DNAJC16: variants seen among roughly 807,000 people sequenced by gnomAD.
DNAJC16 encodes dnaJ homolog subfamily C member 16.
Under a neutral mutation model 92.7 loss-of-function variants are expected in DNAJC16, and 76 were observed. That is an observed-to-expected ratio of 0.82 (90% CI 0.68 to 0.99). The LOEUF is 0.99. Among genes scored for constraint, DNAJC16 ranks in the 50% least tolerant of loss-of-function variants. The pLI, the probability that DNAJC16 is intolerant of heterozygous loss-of-function variation, is 0.00. For missense variants in DNAJC16, 869 were observed against 942.4 expected, an observed-to-expected ratio of 0.92 and a Z score of 1.02; for synonymous variants, 328 against 358.7, an observed-to-expected ratio of 0.91 and a Z score of 0.97.
rs573265948 is a variant in DNAJC16 at position 15,554,620 on chromosome 1, GTTGGTCTTTTGTACTTTTTGTATATA to G, written c.1024-4881_1024-4856del. Reference sequence around the variant, plus strand: ...TTTTTCCTTCAAAAGCATTATAGCTGTTGGTCTTTTGTACTTTTTGTATATATTGGTCTTTTGTACTTTTTGTATAC... The same window carrying G: ...TTTTTCCTTCAAAAGCATTATAGCTGTTGGTCTTTTGTACTTTTTGTATAC... On this transcript the variant is annotated intron_variant, in intron 7 of 14. Transcript: ENST00000375847. Among the ~76,000 whole-genome samples the G allele has an allele frequency of 2.6e-3, 397 of 152,248 alleles. 1 individual carries two copies. Among genetic ancestry groups the G allele is most frequent in the African/African-American group, 9.1e-3 (376 of 41,530 alleles).
chr1:15,555,847 C>T (rs371655126), intron 7 of DNAJC16, among the ~76,000 whole-genome samples: 15 of 151,754 alleles, frequency 9.9e-5, no homozygotes, highest in East Asian at 9.8e-4. Context: ...CAAAATTAGC[C>T]GGGCGTGGTG....
intron 7 of DNAJC16, among the ~76,000 whole-genome samples, chr1:15,552,181 T>C (rs1160939007): frequency 6.6e-6 from 1 of 151,792 alleles, no homozygotes. Flanking sequence ...CCGTTCTTTT[T>C]TTAATAAGTA....
chr1:15,544,312 A>G, intron 4 of DNAJC16, 87 bp from the exon 5 acceptor site: 1 of 1,366,656 alleles, frequency 7.3e-7, no homozygotes, highest in Non-Finnish European at 9.8e-7. Context: ...TCGGGATTTC[A>G]ATTTCACACC....
intron 4 of DNAJC16, among the ~76,000 whole-genome samples, chr1:15,542,696 C>T (rs1265955043): frequency 6.6e-6 from 1 of 152,212 alleles, no homozygotes; most frequent in Non-Finnish European, 1.5e-5. Context: ...CCTGCAGGAC[C>T]TGATGCTTCC....
At chr1:15,563,686 A>T (rs1638741868) in intron 9 of DNAJC16, among the ~76,000 whole-genome samples, 1 of 148,986 alleles carries the variant, frequency 6.7e-6, no homozygotes, top group African/African-American at 2.5e-5. Context: ...AAAAAAAAAA[A>T]AAAATACCAA....
chr1:15,547,591 C>T (rs1638341440), intron 6 of DNAJC16, among the ~76,000 whole-genome samples: 1 of 151,776 alleles, frequency 6.6e-6, no homozygotes, highest in Non-Finnish European at 1.5e-5. Context: ...TGCAGGCACA[C>T]ACCACCACGC....
chr1:15,538,113 A>T (rs1466185468), intron 4 of DNAJC16, among the ~76,000 whole-genome samples: 1 of 152,028 alleles, frequency 6.6e-6, no homozygotes, highest in Non-Finnish European at 1.5e-5. Flanking sequence ...AAAAAGAGAG[A>T]CTGCTGGGCA....
chr1:15,550,535 T>G (rs914463336), intron 7 of DNAJC16, among the ~76,000 whole-genome samples: 2 of 152,198 alleles, frequency 1.3e-5, no homozygotes, highest in Non-Finnish European at 1.5e-5. Flanking sequence ...ATTCTTCCGT[T>G]GGTGGACATT....
intron 7 of DNAJC16, among the ~76,000 whole-genome samples, chr1:15,558,005 T>C (rs1638605270): frequency 6.6e-6 from 1 of 150,902 alleles, no homozygotes; most frequent in African/African-American, 2.4e-5. Flanking sequence ...CTCAGCCTCC[T>C]GAGTAGCTGG....
At chr1:15,548,753 A>G (rs757898474) in intron 7 of DNAJC16, among the ~76,000 whole-genome samples, 3 of 152,178 alleles carry the variant, frequency 2.0e-5, no homozygotes, top group Non-Finnish European at 2.9e-5. Flanking sequence ...TGTACAGATG[A>G]ATATTTATCT....
Position 15,548,276 on chromosome 1 carries a change from G to A in DNAJC16, c.871G>A (p.Ala291Thr). 1 of 1,613,684 alleles carries A rather than the reference G, an allele frequency of 6.2e-7. No homozygotes were observed. Among genetic ancestry groups the A allele is most frequent in the South Asian group, 1.1e-5 (1 of 90,960 alleles). ...CTCTATTATGCCCTAACAGTTGACT[G>A]CCTTTGCATACAAAGATTATTTATC... ...PIVPLLYKLTAFAYKDYLSFG... is the reference protein window; with the variant it reads ...PIVPLLYKLTTFAYKDYLSFG... Residue 291 changes from alanine to threonine, a missense_variant, in exon 7 of 15, where the codon GCC (alanine) becomes ACC (threonine). Physicochemically the swap from Ala to Thr is moderately conservative, Grantham distance 58. Coordinates refer to ENST00000375847, the MANE Select transcript of DNAJC16 (RefSeq NM_015291.4).
At chr1:15,542,606 C>T (rs1279501537) in intron 4 of DNAJC16, among the ~76,000 whole-genome samples, 2 of 152,190 alleles carry the variant, frequency 1.3e-5, no homozygotes, top group Non-Finnish European at 2.9e-5. Flanking sequence ...GATTTATAGC[C>T]AGTTGGTTGG....
chr1:15,542,647 G>A (rs761175965), intron 4 of DNAJC16, among the ~76,000 whole-genome samples: 29 of 152,348 alleles, frequency 1.9e-4, no homozygotes, highest in Non-Finnish European at 3.7e-4. Flanking sequence ...GACTTCTGGC[G>A]TCTGAAGTGG....
At chr1:15,528,839 T>C (rs953615289) in intron 1 of DNAJC16, among the ~76,000 whole-genome samples, 2 of 152,196 alleles carry the variant, frequency 1.3e-5, no homozygotes, top group Non-Finnish European at 2.9e-5. Context: ...AAAGCTTTTC[T>C]AGTCAAAGTG....
chr1:15,567,182 GCCAC>G lies in DNAJC16; in HGVS notation c.1863_1866del (p.His622Ter). The stretch of plus-strand genomic sequence containing the variant: ...AGTAACTTGGTACGTCTGAGGCCAG[GCCAC>G]ATGAATGTGGTCCTCATCCTGTCGA... On this transcript the variant is annotated frameshift_variant, in exon 14 of 15. Coordinates refer to ENST00000375847, the MANE Select transcript of DNAJC16 (RefSeq NM_015291.4). LOFTEE classifies it high-confidence loss of function. 6.2e-7 allele frequency: 1 copy of G among 1,614,060 alleles called. No homozygotes were observed. Among genetic ancestry groups the G allele is most frequent in the Non-Finnish European group, 8.5e-7 (1 of 1,179,932 alleles).
intron 4 of DNAJC16, among the ~76,000 whole-genome samples, chr1:15,539,787 A>G (rs1228362082): frequency 6.6e-6 from 1 of 151,958 alleles, no homozygotes; most frequent in African/African-American, 2.4e-5. Context: ...CAGCACTTCG[A>G]TAGGCTGAGG....
intron 11 of DNAJC16, 123 bp downstream of exon 11, chr1:15,564,482 G>A (rs749842790): frequency 4.4e-5 from 29 of 662,312 alleles, no homozygotes; most frequent in South Asian, 3.2e-4. Context: ...GTGGAAGAAC[G>A]TTTACACATT....
At position 15,536,653 on chromosome 1, in the gene DNAJC16, T is replaced by C; in HGVS notation, c.413T>C (p.Ile138Thr). The stretch of plus-strand genomic sequence containing the variant: ...TTTAATTCTGAACGGCGGGACTCAA[T>C]TGACGAAAAGTATTTATTGCACTTT... ...FPFNSERRDS[I>T]DEKYLLHFSH... The change falls in exon 4 of 15, where the codon ATT becomes ACT. Residue 138 changes from isoleucine (I) to threonine (T), a missense_variant. Ile to Thr is a moderately conservative substitution (Grantham distance 89). Transcript: ENST00000375847. The C allele has an allele frequency of 6.2e-7, 1 of 1,614,118 alleles. No individual in the cohort carries two copies. Among genetic ancestry groups the C allele is most frequent in the Non-Finnish European group, 8.5e-7 (1 of 1,180,014 alleles).
intron 2 of DNAJC16, among the ~76,000 whole-genome samples, chr1:15,533,393 G>A (rs547375856): frequency 3.3e-5 from 5 of 152,322 alleles, no homozygotes; most frequent in South Asian, 4.1e-4. Flanking sequence ...TTTGGAGGCC[G>A]AGACAGGTGG....
Sources: gnomAD v4.1 joint callset for allele counts (sites outside exome capture counted in the v4.1 genomes callset) on GRCh38, gnomAD v4.1.1 for gene constraint, MANE v1.5 for transcripts, NCBI Gene and HGNC (gene_info 2026-07-23, HGNC 2026-07-21) for gene names.